ADGRG6: variants seen among roughly 807,000 people sequenced by gnomAD.
The protein encoded by ADGRG6 is G-protein coupled receptor 126.
ADGRG6 carries 84 observed loss-of-function variants against 142.4 expected under a neutral mutation model. The observed-to-expected ratio is 0.59, with a 90% CI of 0.49 to 0.71. The LOEUF (loss-of-function observed/expected upper bound fraction) is 0.71. Among genes scored for constraint, ADGRG6 ranks in the 30% least tolerant of loss-of-function variants. ADGRG6 has a pLI of 0.00. For missense variants in ADGRG6, 1,367 were observed against 1,466.6 expected (o/e 0.93, Z 1.11); for synonymous variants, 521 against 520.5 (o/e 1.00, Z -0.01).
chr6:142,419,924 A>G lies in ADGRG6; in HGVS notation c.3139A>G (p.Ile1047Val), dbSNP rs759721796. Residue 1047 changes from isoleucine (I) to valine (V), a missense_variant, in exon 22 of 25, where the codon ATC becomes GTC. By Grantham distance (29) the Ile-to-Val change is conservative. Coordinates refer to ENST00000367609, the MANE Select transcript of ADGRG6 (RefSeq NM_198569.3). ...CATGTTCATTGTGGTAATGGTGCAG[A>G]TCTGTGGGAGGAATGGCAAGAGAAG... ...IAMFIVVMVQ[I>V]CGRNGKRSNR... 1.9e-5 allele frequency: 30 copies of G among 1,613,266 alleles called. No individual in the cohort carries two copies. Among genetic ancestry groups the G allele is most frequent in the Non-Finnish European group, 2.3e-5 (27 of 1,179,592 alleles).
intron 22 of ADGRG6, among the ~76,000 whole-genome samples, chr6:142,425,651 G>A (rs1448752400): frequency 1.3e-5 from 2 of 152,160 alleles, no homozygotes; most frequent in Non-Finnish European, 2.9e-5. Flanking sequence ...ATGGAGGCGG[G>A]ATGTGTGGGA....
chr6:142,362,445 G>C (rs1780769110), intron 2 of ADGRG6, among the ~76,000 whole-genome samples: 1 of 152,166 alleles, frequency 6.6e-6, no homozygotes, highest in African/African-American at 2.4e-5. Context: ...AGTTCTGGTA[G>C]GGGATTGGAA....
intron 2 of ADGRG6, among the ~76,000 whole-genome samples, chr6:142,332,924 A>G (rs867837263): frequency 1.6e-4 from 25 of 152,156 alleles, no homozygotes; most frequent in African/African-American, 5.3e-4. Flanking sequence ...GCTAGTGTGC[A>G]GTTTAGTTAT....
At chr6:142,336,879 A>G (rs1448808151) in intron 2 of ADGRG6, among the ~76,000 whole-genome samples, 1 of 152,152 alleles carries the variant, frequency 6.6e-6, no homozygotes, top group Non-Finnish European at 1.5e-5. Flanking sequence ...TTCGAACCTG[A>G]TATTCTTTTT....
intron 18 of ADGRG6, among the ~76,000 whole-genome samples, chr6:142,413,213 A>T (rs1003777821): frequency 6.6e-6 from 1 of 151,624 alleles, no homozygotes; most frequent in Non-Finnish European, 1.5e-5. Context: ...GTTTTTCTTG[A>T]CTTAGAAACT....
At chr6:142,366,495 A>T (rs1365900812) in intron 2 of ADGRG6, among the ~76,000 whole-genome samples, 5 of 152,146 alleles carry the variant, frequency 3.3e-5, no homozygotes, top group Non-Finnish European at 7.4e-5. Flanking sequence ...CATCGCTAAC[A>T]TTGATTTCAG....
chr6:142,309,650 ACT>A lies in ADGRG6; in HGVS notation c.103+9_103+10del. On this transcript the variant is annotated splice_region_variant and intron_variant, in intron 2 of 24. Coordinates refer to ENST00000367609, the MANE Select transcript of ADGRG6 (RefSeq NM_198569.3). ...CATGTGTGTTCCTCACTCAGGTAAG[ACT>A]CTTCCTCTTTCACACCTGGAATTTA... The A allele has an allele frequency of 6.5e-7, 1 of 1,538,268 alleles. No individual in the cohort carries two copies. Among genetic ancestry groups the A allele is most frequent in the Non-Finnish European group, 8.9e-7 (1 of 1,121,894 alleles).
Position 142,402,077 on chromosome 6 carries a change from T to A in ADGRG6, c.1744+19T>A. The A allele has an allele frequency of 7.5e-7, 1 of 1,338,610 alleles. No homozygotes were observed. The highest frequency in any genetic ancestry group is 1.1e-6 in the Non-Finnish European group (1 of 947,780). The allele number at this position is 1,338,610 out of a possible 1,614,324, so 82.9% of individuals were successfully genotyped here. On this transcript the variant is annotated intron_variant, in intron 12 of 24. Transcript: ENST00000367609. ...TGTTTAAGTAAGTGAGCAGTTTTCC[T>A]TTATTTCTCAAGGACAAAATGACAT...
chr6:142,397,727 G>A lies in ADGRG6; in HGVS notation c.1539G>A (p.Arg513=). ...KNNESLDEGL[R]LHTVNVRQLG... Reference sequence around the variant, plus strand: ...ATGAGTCCTTGGATGAAGGCTTGAGGCTACATACAGTGAATGTGAGACAAC... The same window carrying A: ...ATGAGTCCTTGGATGAAGGCTTGAGACTACATACAGTGAATGTGAGACAAC... Residue 513 remains arginine, a synonymous_variant, in exon 10 of 25, where the codon AGG becomes AGA. Transcript: ENST00000367609. 6.3e-7 allele frequency: 1 copy of A among 1,592,670 alleles called. No homozygotes were observed. Among genetic ancestry groups the A allele is most frequent in the Non-Finnish European group, 8.5e-7 (1 of 1,171,980 alleles).
Position 142,387,628 on chromosome 6 carries a change from G to A in ADGRG6, c.1223-2630G>A, listed in dbSNP as rs138536938. 3.4e-3 allele frequency among the ~76,000 whole-genome samples: 511 copies of A among 152,210 alleles called. 3 individuals carry two copies. Among genetic ancestry groups the A allele is most frequent in the African/African-American group, 0.011 (476 of 41,540 alleles). On this transcript the variant is annotated intron_variant, in intron 6 of 24. Coordinates refer to ENST00000367609, the MANE Select transcript of ADGRG6 (RefSeq NM_198569.3). Reference sequence around the variant, plus strand: ...TTTTAACGTCTATTTTTTCAAATAGGCCTATCATTTCAAACCTGTATTTTA... The same window carrying A: ...TTTTAACGTCTATTTTTTCAAATAGACCTATCATTTCAAACCTGTATTTTA...
intron 2 of ADGRG6, among the ~76,000 whole-genome samples, chr6:142,348,422 T>C (rs1388573815): frequency 2.0e-5 from 3 of 152,068 alleles, no homozygotes; most frequent in Admixed American, 1.3e-4. Context: ...TATATTTATA[T>C]TGGTAAAAAA....
At chr6:142,304,653 A>C (rs563964525) in intron 1 of ADGRG6, among the ~76,000 whole-genome samples, 1 of 152,216 alleles carries the variant, frequency 6.6e-6, no homozygotes, top group East Asian at 1.9e-4. Flanking sequence ...TATTTTTCTA[A>C]TGGCCTATAT....
intron 15 of ADGRG6, 79 bp downstream of exon 15, chr6:142,405,907 T>C: frequency 2.0e-6 from 2 of 1,014,130 alleles, no homozygotes; most frequent in South Asian, 3.7e-5. Flanking sequence ...CTTTAGATTC[T>C]GTTGAAATAT....
At chr6:142,327,664 A>G (rs1778844630) in intron 2 of ADGRG6, among the ~76,000 whole-genome samples, 1 of 152,096 alleles carries the variant, frequency 6.6e-6, no homozygotes. Flanking sequence ...CCTATTTGGG[A>G]AGTCAGCTAT....
Position 142,370,549 on chromosome 6 carries a change from T to C in ADGRG6, c.825T>C (p.Val275=). ...GVNFKRNYET[V]PCDSTISKVI... ...ATTTCAAAAGAAACTATGAAACAGT[T>C]CCATGTGATTCTACCATTAGTAAAG... The change falls in exon 4 of 25, where the codon GTT becomes GTC. Residue 275 remains valine (V), a synonymous_variant. Coordinates refer to ENST00000367609, the MANE Select transcript of ADGRG6 (RefSeq NM_198569.3). 6.2e-7 allele frequency: 1 copy of C among 1,613,216 alleles called. No homozygotes were observed. The highest frequency in any genetic ancestry group is 8.5e-7 in the Non-Finnish European group (1 of 1,179,300).
intron 4 of ADGRG6, 49 bp from the exon 5 acceptor site, chr6:142,381,902 A>G (rs1281011290): frequency 1.8e-6 from 2 of 1,141,794 alleles, no homozygotes; most frequent in Non-Finnish European, 2.6e-6. Flanking sequence ...TCTGGATAAT[A>G]TCACTAAATC....
At chr6:142,363,138 A>T (rs527930326) in intron 2 of ADGRG6, among the ~76,000 whole-genome samples, 10 of 152,218 alleles carry the variant, frequency 6.6e-5, no homozygotes, top group African/African-American at 2.4e-4. Flanking sequence ...TTTGTTCACC[A>T]TTTAACACAG....
chr6:142,432,928 C>G (rs990258431), intron 22 of ADGRG6, among the ~76,000 whole-genome samples: 2 of 152,128 alleles, frequency 1.3e-5, no homozygotes, highest in African/African-American at 2.4e-5. Flanking sequence ...TTAAGGGAAG[C>G]AACATTCAGC....
intron 2 of ADGRG6, among the ~76,000 whole-genome samples, chr6:142,349,451 C>G (rs184917731): frequency 1.3e-5 from 2 of 152,326 alleles, no homozygotes; most frequent in East Asian, 3.9e-4. Flanking sequence ...CCTTATCCCC[C>G]ACTTTGAGCA....
Sources: allele counts gnomAD v4.1 joint callset (sites outside exome capture counted in the v4.1 genomes callset), GRCh38; gene constraint gnomAD v4.1.1; transcripts MANE v1.5; gene names NCBI Gene and HGNC (gene_info 2026-07-23, HGNC 2026-07-21).